The following NCALD variants were observed in gnomAD, a reference collection of about 807,000 sequenced individuals.
NCALD encodes neurocalcin delta.
A neutral mutation model predicts 18.6 loss-of-function variants in NCALD; 10 were observed. That is an observed-to-expected ratio of 0.54 (90% confidence interval 0.33 to 0.91). The LOEUF is 0.91. Ranked by LOEUF, NCALD falls within the 40% of genes least tolerant of loss-of-function variation. NCALD has a pLI of 0.03. For synonymous variants in NCALD, 88 were observed against 87.4 expected, an observed-to-expected ratio of 1.01 and a Z score of -0.04; for missense variants, 184 against 247.6, an observed-to-expected ratio of 0.74 and a Z score of 1.72.
chr8:102,023,947 TTA>T (rs1446643618), intron 1 of NCALD, among the ~76,000 whole-genome samples: 1 of 152,178 alleles, frequency 6.6e-6, no homozygotes, highest in Non-Finnish European at 1.5e-5. Context: ...CTCTGTGACA[TTA>T]CACAGAACTC....
chr8:101,738,787 C>T (rs1363639728), intron 1 of NCALD, among the ~76,000 whole-genome samples: 1 of 152,118 alleles, frequency 6.6e-6, no homozygotes, highest in Non-Finnish European at 1.5e-5. Context: ...TCAGTTTCCT[C>T]AACTGATGCA....
At chr8:102,083,127 C>A (rs1012721964) in intron 1 of NCALD, among the ~76,000 whole-genome samples, 1 of 152,174 alleles carries the variant, frequency 6.6e-6, no homozygotes, top group African/African-American at 2.4e-5. Context: ...CAAAATATAA[C>A]CTCAGTGTCT....
chr8:101,980,418 GA>G (rs1475202342), intron 2 of NCALD, among the ~76,000 whole-genome samples: 1 of 152,184 alleles, frequency 6.6e-6, no homozygotes, highest in Non-Finnish European at 1.5e-5. Flanking sequence ...GGGCACTGCA[GA>G]GGGGCTGCAG....
intron 2 of NCALD, among the ~76,000 whole-genome samples, chr8:101,966,762 AG>A (rs780492753): frequency 6.6e-5 from 10 of 152,186 alleles, no homozygotes; most frequent in Non-Finnish European, 1.3e-4. Context: ...CTACCTTAAA[AG>A]AATAATCAGA....
At chr8:101,994,061 T>C (rs1464566191) in intron 2 of NCALD, among the ~76,000 whole-genome samples, 2 of 152,210 alleles carry the variant, frequency 1.3e-5, no homozygotes, top group Admixed American at 1.3e-4. Context: ...ACCAAAGCAA[T>C]TGCCATAAGA....
chr8:101,707,500 A>C (rs1466577092), intron 2 of NCALD, among the ~76,000 whole-genome samples: 1 of 152,208 alleles, frequency 6.6e-6, no homozygotes, highest in Admixed American at 6.5e-5. Flanking sequence ...GGGGTGAATC[A>C]GAAAATTTTT....
intron 4 of NCALD, among the ~76,000 whole-genome samples, chr8:101,837,054 C>A (rs952219122): frequency 2.6e-5 from 4 of 152,038 alleles, no homozygotes; most frequent in African/African-American, 7.3e-5. Flanking sequence ...CTAATATCAA[C>A]CACCCTGCTT....
chr8:101,876,393 C>T (rs554326754), intron 4 of NCALD, among the ~76,000 whole-genome samples: 1 of 152,332 alleles, frequency 6.6e-6, no homozygotes, highest in South Asian at 2.1e-4. Context: ...AGACTGGAGA[C>T]AACAAAACAA....
intron 1 of NCALD, among the ~76,000 whole-genome samples, chr8:101,720,046 A>G (rs1184749513): frequency 6.6e-6 from 1 of 152,208 alleles, no homozygotes. Context: ...TAGCTAATCC[A>G]AGTATTAGCA....
chr8:102,003,244 A>G (rs1461088697), intron 2 of NCALD, among the ~76,000 whole-genome samples: 1 of 152,236 alleles, frequency 6.6e-6, no homozygotes, highest in African/African-American at 2.4e-5. Context: ...AGAGAATACT[A>G]TAAACACCTC....
At chr8:101,938,374 G>A (rs1818838107) in intron 2 of NCALD, among the ~76,000 whole-genome samples, 2 of 152,280 alleles carry the variant, frequency 1.3e-5, no homozygotes, top group South Asian at 4.1e-4. Context: ...CCATAGCTCA[G>A]AGGTTTGGAA....
At chr8:102,092,405 C>T (rs757696679) in intron 1 of NCALD, among the ~76,000 whole-genome samples, 99 of 152,180 alleles carry the variant, frequency 6.5e-4, no homozygotes, top group African/African-American at 2.3e-3. Flanking sequence ...CACTTTACTC[C>T]GTGGATTAGC....
At chr8:102,087,387 A>C (rs538806102) in intron 1 of NCALD, among the ~76,000 whole-genome samples, 2 of 152,238 alleles carry the variant, frequency 1.3e-5, no homozygotes, top group Non-Finnish European at 2.9e-5. Context: ...AAGGAAATAG[A>C]CTGCAGCACT....
intron 1 of NCALD, among the ~76,000 whole-genome samples, chr8:102,042,523 A>G (rs967066970): frequency 5.9e-5 from 9 of 151,854 alleles, no homozygotes; most frequent in Admixed American, 5.9e-4. Context: ...TTGGAATCCA[A>G]GTTTCTGAGT....
chr8:102,109,943 C>G (rs933194054), intron 1 of NCALD, among the ~76,000 whole-genome samples: 2 of 152,162 alleles, frequency 1.3e-5, no homozygotes, highest in African/African-American at 4.8e-5. Flanking sequence ...TCATATTTAT[C>G]AATTTTCTAA....
intron 3 of NCALD, among the ~76,000 whole-genome samples, chr8:101,906,217 C>A (rs1817606027): frequency 6.6e-6 from 1 of 152,222 alleles, no homozygotes; most frequent in Non-Finnish European, 1.5e-5. Flanking sequence ...ATCCCTTCCC[C>A]ATTTCCCTCA....
intron 3 of NCALD, among the ~76,000 whole-genome samples, chr8:101,896,381 T>C (rs1440407014): frequency 4.6e-5 from 7 of 152,050 alleles, no homozygotes; most frequent in East Asian, 3.9e-4. Flanking sequence ...GGATTAAAGA[T>C]TTAAACGTTA....
At chr8:101,903,929 A>T (rs1817523637) in intron 3 of NCALD, among the ~76,000 whole-genome samples, 1 of 152,206 alleles carries the variant, frequency 6.6e-6, no homozygotes, top group African/African-American at 2.4e-5. Flanking sequence ...TTAACCCCAC[A>T]TGACACAATC....
chr8:102,074,783 T>C (rs1276915764), intron 1 of NCALD, among the ~76,000 whole-genome samples: 2 of 152,218 alleles, frequency 1.3e-5, no homozygotes, highest in Non-Finnish European at 2.9e-5. Context: ...AAGATGCTTG[T>C]AAAATATATG....
Sources: gnomAD v4.1 joint callset for allele counts (sites outside exome capture counted in the v4.1 genomes callset) on GRCh38, gnomAD v4.1.1 for gene constraint, MANE v1.5 for transcripts, NCBI Gene and HGNC (gene_info 2026-07-23, HGNC 2026-07-21) for gene names.